Variants in RPTOR observed in about 807,000 individuals in gnomAD.
RPTOR encodes the protein regulatory-associated protein of mTOR.
Under a neutral mutation model 169.9 loss-of-function variants are expected in RPTOR, and 21 were observed. The ratio of observed to expected loss-of-function variants is 0.12; its 90% CI spans 0.09 to 0.18. The LOEUF is 0.18. RPTOR is among the 10% of genes least tolerant of loss of function. The pLI is 1.00. For synonymous variants in RPTOR, 732 were observed against 753.2 expected (o/e 0.97, Z 0.46); for missense variants, 1,133 against 1,855.9 (o/e 0.61, Z 7.16).
intron 7 of RPTOR, among the ~76,000 whole-genome samples, chr17:80,795,193 G>C (rs1302038802): frequency 6.6e-6 from 1 of 152,016 alleles, no homozygotes; most frequent in East Asian, 1.9e-4. Context: ...GGGAAACAGA[G>C]ACCTGGATTT....
intron 3 of RPTOR, among the ~76,000 whole-genome samples, chr17:80,644,655 A>G (rs900574152): frequency 6.6e-5 from 10 of 152,202 alleles, no homozygotes; most frequent in African/African-American, 2.4e-4. Context: ...CACATGATTT[A>G]TGGAACCTTT....
At chr17:80,742,828 C>A (rs2066497985) in intron 5 of RPTOR, among the ~76,000 whole-genome samples, 1 of 151,960 alleles carries the variant, frequency 6.6e-6, no homozygotes, top group South Asian at 2.1e-4. Flanking sequence ...ACATGCCCAC[C>A]TATACATACA....
chr17:80,650,666 C>G (rs1380694753), intron 3 of RPTOR, among the ~76,000 whole-genome samples: 3 of 152,190 alleles, frequency 2.0e-5, no homozygotes, highest in African/African-American at 7.2e-5. Context: ...GTATATAAAG[C>G]ATTTGCACCA....
At chr17:80,634,670 CGTACTGTGTGT>C (rs2065485928) in intron 2 of RPTOR, among the ~76,000 whole-genome samples, 1 of 77,960 alleles carries the variant, frequency 1.3e-5, no homozygotes, top group African/African-American at 5.0e-5. Flanking sequence ...TGTGTGTGTG[CGTACTGTGTGT>C]GCGTACTGTG....
intron 9 of RPTOR, among the ~76,000 whole-genome samples, chr17:80,833,920 C>G (rs771300146): frequency 9.2e-5 from 14 of 152,198 alleles, no homozygotes; most frequent in Non-Finnish European, 1.8e-4. Flanking sequence ...ACCCGGGAGG[C>G]GGAGGTTGCA....
intron 1 of RPTOR, among the ~76,000 whole-genome samples, chr17:80,592,880 A>G (rs1287484590): frequency 6.6e-6 from 1 of 152,122 alleles, no homozygotes; most frequent in Non-Finnish European, 1.5e-5. Flanking sequence ...CTGGATCTGC[A>G]CTGATGGCGG....
chr17:80,863,740 A>G lies in RPTOR; in HGVS notation c.1509+5840A>G, dbSNP rs75265162. Among the ~76,000 whole-genome samples the G allele has an allele frequency of 6.0e-3, 911 of 152,274 alleles. 9 individuals are homozygous for G. Among genetic ancestry groups the G allele is most frequent in the African/African-American group, 0.02 (836 of 41,542 alleles). ...AATACCAGCCTGAGCAACATGGTGAAACCTCGACTCCACATGAAAAAATAC... is the reference window on the plus strand; with the variant it reads ...AATACCAGCCTGAGCAACATGGTGAGACCTCGACTCCACATGAAAAAATAC... On this transcript the variant is annotated intron_variant, in intron 13 of 33. Transcript: ENST00000306801.
At chr17:80,855,339 C>A in intron 11 of RPTOR, 125 bp from the exon 12 acceptor site, 1 of 697,304 alleles carries the variant, frequency 1.4e-6, no homozygotes. Flanking sequence ...CTCTAGGTAA[C>A]TGAAGCAGCA....
chr17:80,940,624 C>T, intron 25 of RPTOR, 23 bp downstream of exon 25: 1 of 1,581,060 alleles, frequency 6.3e-7, no homozygotes, highest in Non-Finnish European at 8.6e-7. Flanking sequence ...GCACAGCCAG[C>T]CAGGGGCTCA....
chr17:80,837,177 A>G (rs987325089), intron 9 of RPTOR, among the ~76,000 whole-genome samples: 1 of 152,068 alleles, frequency 6.6e-6, no homozygotes, highest in Non-Finnish European at 1.5e-5. Flanking sequence ...TACTGTGACA[A>G]GGGGTCTCGA....
intron 20 of RPTOR, among the ~76,000 whole-genome samples, chr17:80,897,764 G>A (rs1308665611): frequency 6.6e-6 from 1 of 152,192 alleles, no homozygotes; most frequent in Non-Finnish European, 1.5e-5. Context: ...ATGGTGACAG[G>A]TGCCTGTAAT....
chr17:80,547,243 T>C (rs746094250), intron 1 of RPTOR, among the ~76,000 whole-genome samples: 22 of 152,206 alleles, frequency 1.4e-4, no homozygotes, highest in Non-Finnish European at 2.2e-4. Flanking sequence ...TTCTATCTTA[T>C]GGACATCTTT....
intron 13 of RPTOR, among the ~76,000 whole-genome samples, chr17:80,876,837 A>C (rs1164515283): frequency 8.5e-6 from 1 of 118,030 alleles, no homozygotes; most frequent in African/African-American, 3.4e-5. Flanking sequence ...TCTTCCACCG[A>C]GCCCGTGCCA....
intron 3 of RPTOR, among the ~76,000 whole-genome samples, chr17:80,652,386 C>G (rs2065647928): frequency 1.3e-5 from 2 of 152,340 alleles, no homozygotes; most frequent in South Asian, 4.1e-4. Context: ...GTACTCCACA[C>G]AAATGGAGCC....
In RPTOR at chr17:80,844,888, T is replaced by A. The variant is rs1321030254; in HGVS notation, c.1213-1585T>A. 2.6e-5 allele frequency among the ~76,000 whole-genome samples: 4 copies of A among 151,562 alleles called. No homozygotes were observed. The highest frequency in any genetic ancestry group is 9.7e-5 in the African/African-American group (4 of 41,186). On this transcript the variant is annotated intron_variant, in intron 10 of 33. Coordinates refer to ENST00000306801, the MANE Select transcript of RPTOR (RefSeq NM_020761.3). This position sits in a 1 kb window ranked among gnomAD's most constrained non-coding sequence, Gnocchi z 4.7. The stretch of plus-strand genomic sequence containing the variant: ...CGACCTCCTCTCAGAGACACGCACC[T>A]CCACTGCGGCCACCCACCTTCCCCC...
Position 80,957,686 on chromosome 17 carries a change from C to T in RPTOR, c.3433C>T (p.Arg1145Trp), listed in dbSNP as rs2069271026. ...CCTCCTCATGAGCTCAGGAGACGTGCGGATCGTCCGGATCTGGGACACAGA... is the reference window on the plus strand; with the variant it reads ...CCTCCTCATGAGCTCAGGAGACGTGTGGATCGTCCGGATCTGGGACACAGA... ...TGLLMSSGDV[R>W]IVRIWDTDRE... Residue 1145 changes from arginine to tryptophan, a missense_variant, in exon 29 of 34, where the codon CGG (arginine) becomes TGG (tryptophan). Arg to Trp is a moderately radical substitution (Grantham distance 101). Coordinates refer to ENST00000306801, the MANE Select transcript of RPTOR (RefSeq NM_020761.3). This position sits in a 1 kb window ranked among gnomAD's most constrained non-coding sequence, Gnocchi z 4.6. 6.2e-7 allele frequency: 1 copy of T among 1,614,100 alleles called. No individual in the cohort carries two copies. The highest frequency in any genetic ancestry group is 8.5e-7 in the Non-Finnish European group (1 of 1,180,028).
intron 3 of RPTOR, among the ~76,000 whole-genome samples, chr17:80,667,547 A>T (rs2065790210): frequency 6.6e-6 from 1 of 152,226 alleles, no homozygotes; most frequent in Non-Finnish European, 1.5e-5. Context: ...CCCAGAGTTA[A>T]TAAAGTTGCA....
At chr17:80,783,305 A>G (rs1442003827) in intron 6 of RPTOR, among the ~76,000 whole-genome samples, 3 of 152,126 alleles carry the variant, frequency 2.0e-5, no homozygotes, top group Non-Finnish European at 4.4e-5. Flanking sequence ...ACTTTTTATT[A>G]TAGGACAGTT....
Position 80,646,448 on chromosome 17 carries a change from G to A in RPTOR, c.348+2638G>A, listed in dbSNP as rs1189584267. ...AGCTTTCCGTGGGTTACAGGACAGA[G>A]GGAGGGAGGCCTGGCATAGATAGCG... On this transcript the variant is annotated intron_variant, in intron 3 of 33. Transcript: ENST00000306801. This position sits in a 1 kb window ranked among gnomAD's most constrained non-coding sequence, Gnocchi z 5.0. 6.6e-6 allele frequency among the ~76,000 whole-genome samples: 1 copy of A among 152,178 alleles called. No individual in the cohort carries two copies. Among genetic ancestry groups the A allele is most frequent in the Admixed American group, 6.5e-5 (1 of 15,280 alleles).
Sources: allele counts gnomAD v4.1 joint callset (sites outside exome capture counted in the v4.1 genomes callset), GRCh38; gene constraint gnomAD v4.1.1; non-coding constraint Gnocchi (gnomAD v3.1); transcripts MANE v1.5; gene names NCBI Gene and HGNC (gene_info 2026-07-23, HGNC 2026-07-21).